The following ST6GALNAC2 variants were observed in gnomAD, a reference collection of about 807,000 sequenced individuals.
ST6GALNAC2 encodes the protein alpha-N-acetylgalactosaminide alpha-2,6-sialyltransferase 2.
ST6GALNAC2 carries 42 observed loss-of-function variants against 38.7 expected under a neutral mutation model. The observed-to-expected ratio is 1.09, with a 90% CI of 0.85 to 1.40. The LOEUF is 1.40. Ranked by LOEUF, ST6GALNAC2 falls within the 40% of genes most tolerant of loss-of-function variation. ST6GALNAC2 has a pLI of 0.00. For synonymous variants in ST6GALNAC2, 233 were observed against 209.0 expected, an observed-to-expected ratio of 1.11 and a Z score of -0.99; for missense variants, 506 against 481.7, an observed-to-expected ratio of 1.05 and a Z score of -0.47.
intron 6 of ST6GALNAC2, 148 bp downstream of exon 6, chr17:76,570,417 T>C (rs2075339826): frequency 8.2e-6 from 5 of 613,172 alleles, no homozygotes; most frequent in Non-Finnish European, 1.2e-5. Context: ...TGTGAATAAT[T>C]GGGGATGATT....
chr17:76,569,498 G>A (rs1159444122), intron 6 of ST6GALNAC2: 4 of 198,646 alleles, frequency 2.0e-5, no homozygotes, highest in African/African-American at 1.0e-4. Context: ...TTTGGGGTGG[G>A]AGGGTGGGAG....
At position 76,578,916 on chromosome 17, in the gene ST6GALNAC2, GTC is replaced by G. The variant is rs1366705124; in HGVS notation, c.126-102_126-101del. On this transcript the variant is annotated intron_variant, in intron 1 of 8. Coordinates refer to ENST00000225276, the MANE Select transcript of ST6GALNAC2 (RefSeq NM_006456.3). ...CCCCTTAGCTCTAGGGGCGGACAAA[GTC>G]TGTCTGTGCCCATCGTGGTGGCTCA... is the stretch of plus-strand genomic sequence containing the variant. 17 of 995,986 alleles carry G rather than the reference GTC, an allele frequency of 1.7e-5. No individual in the cohort carries two copies. In the East Asian group the frequency reaches 3.8e-4, roughly 22 times the overall value. The allele number at this position is 995,986 out of a possible 1,614,324, so 61.7% of individuals were successfully genotyped here. A position where few individuals can be genotyped will look rare whatever the true frequency, so the allele number is the denominator to read the frequency against.
At chr17:76,567,896 G>T in intron 7 of ST6GALNAC2, 1 of 287,858 alleles carries the variant, frequency 3.5e-6, no homozygotes, top group Non-Finnish European at 6.8e-6. Context: ...TAGGAATCAC[G>T]TGTGAGGGAC....
At chr17:76,585,548 G>T in intron 1 of ST6GALNAC2, 136 bp downstream of exon 1, 2 of 1,040,510 alleles carry the variant, frequency 1.9e-6, no homozygotes, top group Non-Finnish European at 2.6e-6. Flanking sequence ...CCGAGTCCTC[G>T]CTGAGAGCTG....
Position 76,570,636 on chromosome 17 carries a change from G to C in ST6GALNAC2, c.702C>G (p.Ile234Met), listed in dbSNP as rs201143304. ...DLQYIFIPSD[I>M]RDYVMLRSAI... ...CCGATCTCAGCATCACATAGTCGCG[G>C]ATGTCTGAGGGGATGAAGATATACT... Residue 234 changes from isoleucine to methionine, a missense_variant, in exon 6 of 9, where the codon ATC (isoleucine) becomes ATG (methionine). Physicochemically the swap from Ile to Met is conservative, Grantham distance 10. Transcript: ENST00000225276. The C allele has an allele frequency of 3.7e-6, 6 of 1,613,034 alleles. No homozygotes were observed. Among genetic ancestry groups the C allele is most frequent in the Non-Finnish European group, 5.1e-6 (6 of 1,179,714 alleles).
intron 6 of ST6GALNAC2, chr17:76,569,001 C>G: frequency 1.8e-6 from 1 of 565,442 alleles, no homozygotes; most frequent in Non-Finnish European, 3.1e-6. Flanking sequence ...CCAGGACCTC[C>G]ACGGGCGGGG....
chr17:76,582,283 C>T (rs1253257664), intron 1 of ST6GALNAC2, among the ~76,000 whole-genome samples: 4 of 149,442 alleles, frequency 2.7e-5, no homozygotes, highest in Admixed American at 6.8e-5. Flanking sequence ...GCGATCCTCC[C>T]ATCTCAGTCC....
chr17:76,568,895 CTGAGCGGTA>C, intron 6 of ST6GALNAC2, 99 bp from the exon 7 acceptor site: 1 of 1,170,264 alleles, frequency 8.5e-7, no homozygotes, highest in South Asian at 1.3e-5. Context: ...CCGCGGTACC[CTGAGCGGTA>C]GGAGCGGGGC....
chr17:76,584,030 A>AT (rs1343430341), intron 1 of ST6GALNAC2, among the ~76,000 whole-genome samples: 108,692 of 144,990 alleles, frequency 0.75, 41,164 homozygotes, highest in East Asian at 0.84. Flanking sequence ...GGTGAAAGCC[A>AT]GGTCAGGAGG....
chr17:76,580,332 C>T (rs924220442), intron 1 of ST6GALNAC2, among the ~76,000 whole-genome samples: 5 of 151,844 alleles, frequency 3.3e-5, no homozygotes, highest in East Asian at 3.9e-4. Flanking sequence ...GCAGGAGAAT[C>T]GCTTGAAACC....
At chr17:76,576,545 A>G (rs1032304518) in intron 2 of ST6GALNAC2, among the ~76,000 whole-genome samples, 2 of 152,196 alleles carry the variant, frequency 1.3e-5, no homozygotes, top group East Asian at 1.9e-4. Context: ...AGGTGAACCC[A>G]TAACACACTC....
At chr17:76,582,131 C>T (rs1486240317) in intron 1 of ST6GALNAC2, among the ~76,000 whole-genome samples, 1 of 146,250 alleles carries the variant, frequency 6.8e-6, no homozygotes, top group Non-Finnish European at 1.5e-5. Flanking sequence ...TCCCAAAGTA[C>T]TGGGGTTACA....
chr17:76,585,665 T>A lies in ST6GALNAC2; in HGVS notation c.125+19A>T. On this transcript the variant is annotated intron_variant, in intron 1 of 8. Transcript: ENST00000225276. ...TGGTCGCCCCTGCGCCCTCCCGCTC[T>A]GCGCTCGGCAGCCCCTACCTGGCTC... The A allele has an allele frequency of 6.6e-7, 1 of 1,515,226 alleles. No homozygotes were observed. Among genetic ancestry groups the A allele is most frequent in the South Asian group, 1.2e-5 (1 of 82,214 alleles). The allele number at this position is 1,515,226 out of a possible 1,614,324, so 93.9% of individuals were successfully genotyped here.
At position 76,573,312 on chromosome 17, in the gene ST6GALNAC2, A is replaced by G; in HGVS notation, c.413T>C (p.Phe138Ser). ...TGGAGGGGTGTCCCTGGGCGGGGCAAACAGCTTGGCACTCTCTGAGCCGTT... is the reference window on the plus strand; with the variant it reads ...TGGAGGGGTGTCCCTGGGCGGGGCAGACAGCTTGGCACTCTCTGAGCCGTT... The part of the protein sequence containing the change: ...LLNGSESAKL[F>S]APPRDTPPKC... The change falls in exon 4 of 9, where the codon TTT becomes TCT. Residue 138 changes from phenylalanine (F) to serine (S), a missense_variant. Physicochemically the swap from Phe to Ser is radical, Grantham distance 155. Coordinates refer to ENST00000225276, the MANE Select transcript of ST6GALNAC2 (RefSeq NM_006456.3). The surrounding 1 kb of genome is among the most constrained non-coding windows in gnomAD (Gnocchi z 5.1). The G allele has an allele frequency of 6.3e-7, 1 of 1,589,484 alleles. No homozygotes were observed. The highest frequency in any genetic ancestry group is 1.3e-5 in the African/African-American group (1 of 74,706).
In ST6GALNAC2 at chr17:76,568,853, A is replaced by G. The variant is rs772851938; in HGVS notation, c.774-57T>C. ...CCAGAGCCGTCGTATTGCAAGGGGG[A>G]GATGGAGGGGAGGGTCAGGGCGCCG... On this transcript the variant is annotated intron_variant, in intron 6 of 8. Coordinates refer to ENST00000225276, the MANE Select transcript of ST6GALNAC2 (RefSeq NM_006456.3). 5.7e-6 allele frequency: 9 copies of G among 1,570,706 alleles called. No individual in the cohort carries two copies. In the African/African-American group the frequency reaches 1.2e-4, roughly 21 times the overall value.
intron 5 of ST6GALNAC2, among the ~76,000 whole-genome samples, chr17:76,572,077 G>T (rs950093272): frequency 1.1e-4 from 16 of 152,156 alleles, no homozygotes; most frequent in African/African-American, 3.6e-4. Flanking sequence ...TTCCAGCTGG[G>T]TGACCCTGGA....
At chr17:76,569,538 G>C (rs2075328348) in intron 6 of ST6GALNAC2, 6 of 394,682 alleles carry the variant, frequency 1.5e-5, no homozygotes, top group Non-Finnish European at 2.2e-5. Flanking sequence ...CCCGAGTGGG[G>C]GAGGGGGAAG....
rs2075379873 is a variant in ST6GALNAC2 at position 76,573,627 on chromosome 17, C to T, written c.362-264G>A. On this transcript the variant is annotated intron_variant, in intron 3 of 8. Coordinates refer to ENST00000225276, the MANE Select transcript of ST6GALNAC2 (RefSeq NM_006456.3). This position sits in a 1 kb window ranked among gnomAD's most constrained non-coding sequence, Gnocchi z 5.1. The stretch of plus-strand genomic sequence containing the variant: ...AAGACTGGTGCTAGAGAAGTGAGCT[C>T]AGGGCTTAAAAAAGACTGGGCTGGG... Among the ~76,000 whole-genome samples the T allele has an allele frequency of 6.6e-6, 1 of 152,038 alleles. No individual in the cohort carries two copies. The highest frequency in any genetic ancestry group is 1.5e-5 in the Non-Finnish European group (1 of 68,002).
intron 1 of ST6GALNAC2, among the ~76,000 whole-genome samples, chr17:76,579,869 G>A (rs1290819802): frequency 6.6e-6 from 1 of 152,142 alleles, no homozygotes; most frequent in Non-Finnish European, 1.5e-5. Flanking sequence ...AACCATAAGA[G>A]GTAACTCTCT....
Sources: allele counts gnomAD v4.1 joint callset (sites outside exome capture counted in the v4.1 genomes callset), GRCh38; gene constraint gnomAD v4.1.1; non-coding constraint Gnocchi (gnomAD v3.1); transcripts MANE v1.5; gene names NCBI Gene and HGNC (gene_info 2026-07-23, HGNC 2026-07-21).